Variants in MTMR8 observed in about 807,000 individuals in gnomAD.
MTMR8 encodes the protein phosphatidylinositol-3,5-bisphosphate 3-phosphatase MTMR8.
Under a neutral mutation model 39.3 loss-of-function variants are expected in MTMR8, and 65 were observed. That is an observed-to-expected ratio of 1.65 (90% CI 1.35 to 2.03). MTMR8 has a LOEUF of 2.03. Among genes scored for constraint, MTMR8 ranks in the 30% most tolerant of loss-of-function variants. The pLI, the probability that MTMR8 is intolerant of heterozygous loss-of-function variation, is 0.00. For missense variants in MTMR8, 777 were observed against 538.9 expected, an observed-to-expected ratio of 1.44 and a Z score of -4.37; for synonymous variants, 245 against 185.2, an observed-to-expected ratio of 1.32 and a Z score of -2.62.
At chrX:64,379,446 A>C (rs1476042357) in intron 1 of MTMR8, among the ~76,000 whole-genome samples, 1 of 111,930 alleles carries the variant, frequency 8.9e-6, no homozygotes, top group African/African-American at 3.2e-5. Flanking sequence ...CAGCTTAAGC[A>C]ACAGAAATTT....
At chrX:64,361,729 T>G (rs964402472) in intron 1 of MTMR8, among the ~76,000 whole-genome samples, 2 of 111,631 alleles carry the variant, frequency 1.8e-5, no homozygotes, top group African/African-American at 6.5e-5. Flanking sequence ...ATGTTATGAA[T>G]AATGAAGAAA....
intron 12 of MTMR8, among the ~76,000 whole-genome samples, chrX:64,289,749 C>G (rs1446625422): frequency 9.1e-6 from 1 of 109,483 alleles, no homozygotes; most frequent in African/African-American, 3.4e-5. Flanking sequence ...AGGAAGCAAC[C>G]CAACGTCCAC....
chrX:64,299,739 A>G (rs1368253186), intron 12 of MTMR8, among the ~76,000 whole-genome samples: 1 of 98,886 alleles, frequency 1.0e-5, no homozygotes, highest in East Asian at 3.2e-4. Flanking sequence ...TTCCCTCTAC[A>G]CACTGCTTTG....
At chrX:64,348,888 G>T in intron 5 of MTMR8, 94 bp from the exon 6 acceptor site, 1 of 966,062 alleles carries the variant, frequency 1.0e-6, no homozygotes, top group Non-Finnish European at 1.4e-6. Context: ...TAGAGGGAGA[G>T]GATGAGCCAA....
chrX:64,285,935 C>G (rs1332816115), intron 12 of MTMR8, among the ~76,000 whole-genome samples: 2 of 111,433 alleles, frequency 1.8e-5, no homozygotes, highest in African/African-American at 6.5e-5. Flanking sequence ...CAAGAACAAA[C>G]ACATTCAAAA....
At chrX:64,366,902 TA>T (rs1923979237) in intron 1 of MTMR8, among the ~76,000 whole-genome samples, 1 of 110,947 alleles carries the variant, frequency 9.0e-6, no homozygotes, top group African/African-American at 3.3e-5. Flanking sequence ...ATAGATGCAA[TA>T]AAAAATGATA....
At chrX:64,302,650 T>C (rs1921937213) in intron 12 of MTMR8, among the ~76,000 whole-genome samples, 1 of 112,892 alleles carries the variant, frequency 8.9e-6, no homozygotes, top group South Asian at 3.6e-4. Context: ...GCTGAAAAGC[T>C]TGATAGTACC....
At chrX:64,379,661 G>A (rs145105849) in intron 1 of MTMR8, among the ~76,000 whole-genome samples, 15 of 111,087 alleles carry the variant, frequency 1.4e-4, no homozygotes, top group African/African-American at 4.6e-4. Context: ...ATTGGGTTAG[G>A]GCTCACCCTA....
At chrX:64,388,188 AAAG>A (rs1466958283) in intron 1 of MTMR8, among the ~76,000 whole-genome samples, 2 of 111,860 alleles carry the variant, frequency 1.8e-5, no homozygotes, top group Non-Finnish European at 3.8e-5. Context: ...ATAATAAATA[AAAG>A]AAGTGACACC....
chrX:64,294,947 T>C (rs1465526208), intron 12 of MTMR8, among the ~76,000 whole-genome samples: 2 of 111,605 alleles, frequency 1.8e-5, no homozygotes, highest in African/African-American at 6.5e-5. Context: ...ACCTCTTTAT[T>C]AAATCTTGGG....
chrX:64,271,222 A>T (rs890826590), intron 12 of MTMR8, 149 bp from the exon 13 acceptor site: 5 of 540,250 alleles, frequency 9.3e-6, no homozygotes, highest in Non-Finnish European at 1.1e-5. Flanking sequence ...AAGCCTGGAC[A>T]TGCTCATAAT....
At chrX:64,338,206 A>G (rs767784498) in intron 8 of MTMR8, among the ~76,000 whole-genome samples, 1 of 112,232 alleles carries the variant, frequency 8.9e-6, no homozygotes, top group Non-Finnish European at 1.9e-5. Context: ...TCACCCATTC[A>G]TTCATCCACA....
intron 7 of MTMR8, among the ~76,000 whole-genome samples, chrX:64,344,339 G>C (rs1923295723): frequency 9.0e-6 from 1 of 111,575 alleles, no homozygotes; most frequent in South Asian, 3.8e-4. Flanking sequence ...GATCTGGCAA[G>C]GGTGATGTAA....
At chrX:64,295,719 C>A (rs1457773285) in intron 12 of MTMR8, among the ~76,000 whole-genome samples, 2 of 111,343 alleles carry the variant, frequency 1.8e-5, no homozygotes, top group Non-Finnish European at 3.8e-5. Context: ...CTCAATGCCA[C>A]TAGTCATAAG....
intron 12 of MTMR8, among the ~76,000 whole-genome samples, chrX:64,302,706 T>G (rs892142107): frequency 1.8e-5 from 2 of 112,341 alleles, no homozygotes; most frequent in African/African-American, 6.5e-5. Flanking sequence ...ATAGCCCACA[T>G]GAGTATATTT....
chrX:64,333,500 C>T (rs1039804151), intron 10 of MTMR8, among the ~76,000 whole-genome samples: 5 of 111,801 alleles, frequency 4.5e-5, no homozygotes, highest in Non-Finnish European at 9.4e-5. Context: ...GAACTTTCAC[C>T]GATTTGCCCA....
At chrX:64,292,482 C>T in intron 12 of MTMR8, among the ~76,000 whole-genome samples, 1 of 110,560 alleles carries the variant, frequency 9.0e-6, no homozygotes. Flanking sequence ...AACTCAAACT[C>T]CTGCAGGAGA....
chrX:64,323,580 A>G (rs1023226358), intron 12 of MTMR8, among the ~76,000 whole-genome samples: 4 of 112,480 alleles, frequency 3.6e-5, no homozygotes, highest in African/African-American at 9.7e-5. Flanking sequence ...CATTTACAGC[A>G]TATTCGACCA....
At chrX:64,337,904 T>A (rs1923118867) in intron 8 of MTMR8, among the ~76,000 whole-genome samples, 1 of 111,759 alleles carries the variant, frequency 8.9e-6, no homozygotes, top group South Asian at 3.7e-4. Flanking sequence ...ATCTGGGCAG[T>A]TATTTAACCT....
Sources: gnomAD v4.1 joint callset for allele counts (sites outside exome capture counted in the v4.1 genomes callset) on GRCh38, gnomAD v4.1.1 for gene constraint, MANE v1.5 for transcripts, NCBI Gene and HGNC (gene_info 2026-07-23, HGNC 2026-07-21) for gene names.